ARG2: variants seen among roughly 807,000 people sequenced by gnomAD.
ARG2 encodes arginase-2, mitochondrial.
ARG2 carries 21 observed loss-of-function variants against 39.4 expected under a neutral mutation model. That is an observed-to-expected ratio of 0.53 (90% CI 0.38 to 0.77). The LOEUF is 0.77. Among genes scored for constraint, ARG2 ranks in the 30% least tolerant of loss-of-function variants. ARG2 has a pLI of 0.00. For synonymous variants in ARG2, 150 were observed against 156.7 expected, an observed-to-expected ratio of 0.96 and a Z score of 0.32; for missense variants, 378 against 426.2, an observed-to-expected ratio of 0.89 and a Z score of 1.00.
intron 2 of ARG2, among the ~76,000 whole-genome samples, chr14:67,626,119 T>C (rs1465306168): frequency 6.6e-6 from 1 of 152,060 alleles, no homozygotes; most frequent in Admixed American, 6.6e-5. Flanking sequence ...CCGGATGTGG[T>C]GGCACACTCC....
intron 3 of ARG2, among the ~76,000 whole-genome samples, chr14:67,643,557 T>C (rs764471559): frequency 6.2e-4 from 94 of 152,324 alleles, no homozygotes; most frequent in Non-Finnish European, 1.3e-3. Flanking sequence ...GGCACAGTGG[T>C]GCATGCCTGC....
intron 2 of ARG2, among the ~76,000 whole-genome samples, chr14:67,629,941 A>C (rs1013590809): frequency 2.6e-5 from 4 of 152,212 alleles, no homozygotes; most frequent in African/African-American, 9.7e-5. Flanking sequence ...AAAAATATAA[A>C]TAGTTTCAAA....
At chr14:67,633,504 C>T (rs1174008549) in intron 2 of ARG2, among the ~76,000 whole-genome samples, 3 of 152,166 alleles carry the variant, frequency 2.0e-5, no homozygotes, top group African/African-American at 7.2e-5. Flanking sequence ...TCAACATATC[C>T]CAAACTGACC....
Position 67,651,548 on chromosome 14 carries a change from G to A in ARG2, c.*628G>A, listed in dbSNP as rs1447720457. 2.6e-6 allele frequency: 4 copies of A among 1,564,730 alleles called. No individual in the cohort carries two copies. Among genetic ancestry groups the A allele is most frequent in the Non-Finnish European group, 2.6e-6 (3 of 1,150,836 alleles). On this transcript the variant is annotated 3_prime_UTR_variant, in exon 8 of 8. Transcript: ENST00000261783. ...TAACCTTCCTTCTAAACATTTTGGG[G>A]TTAGACCTGGGACCACGGCTGGATA... is the stretch of plus-strand genomic sequence containing the variant.
At chr14:67,627,281 A>C (rs1367352292) in intron 2 of ARG2, among the ~76,000 whole-genome samples, 1 of 146,356 alleles carries the variant, frequency 6.8e-6, no homozygotes, top group Non-Finnish European at 1.5e-5. Flanking sequence ...ATATATATAT[A>C]TCTGAAACTT....
rs111801822 is a variant in ARG2, at chr14:67,628,306, C to T, written c.184+7340C>T. ...CAGACATAATCATAGTACACTACTG[C>T]CTCAAACTTCTGGGCTCAAGCAAGC... On this transcript the variant is annotated intron_variant, in intron 2 of 7. Coordinates refer to ENST00000261783, the MANE Select transcript of ARG2 (RefSeq NM_001172.4). Among the ~76,000 whole-genome samples the T allele has an allele frequency of 7.2e-4, 109 of 152,286 alleles. 1 individual carries two copies. The highest frequency in any genetic ancestry group is 2.6e-3 in the African/African-American group (107 of 41,542).
At chr14:67,635,054 C>T (rs543435736) in intron 2 of ARG2, among the ~76,000 whole-genome samples, 11 of 151,970 alleles carry the variant, frequency 7.2e-5, no homozygotes, top group East Asian at 5.8e-4. Context: ...AGACCAGCCT[C>T]GGTAAAATGG....
chr14:67,625,027 T>C (rs543057997), intron 2 of ARG2, among the ~76,000 whole-genome samples: 57 of 152,132 alleles, frequency 3.7e-4, no homozygotes, highest in Non-Finnish European at 3.8e-4. Flanking sequence ...CCCCAGAAAA[T>C]TGTCATTTGA....
chr14:67,621,141 T>C (rs1259241928), intron 2 of ARG2, among the ~76,000 whole-genome samples, 175 bp downstream of exon 2: 3 of 152,202 alleles, frequency 2.0e-5, no homozygotes, highest in Non-Finnish European at 4.4e-5. Flanking sequence ...AGGGAAAGTC[T>C]TCTTGCAATA....
intron 2 of ARG2, among the ~76,000 whole-genome samples, chr14:67,638,942 G>A (rs2037001675): frequency 6.6e-6 from 1 of 152,228 alleles, no homozygotes; most frequent in Non-Finnish European, 1.5e-5. Context: ...TAGCCAGAAT[G>A]CTGTTTGGTG....
chr14:67,646,591 C>A, intron 4 of ARG2, 53 bp from the exon 5 acceptor site: 1 of 1,424,812 alleles, frequency 7.0e-7, no homozygotes, highest in Non-Finnish European at 9.9e-7. Context: ...TGATAATGAT[C>A]TTGGTGAGAA....
In ARG2 at chr14:67,651,550, T is replaced by G; in HGVS notation, c.*630T>G. Reference sequence around the variant, plus strand: ...ACCTTCCTTCTAAACATTTTGGGGTTAGACCTGGGACCACGGCTGGATACT... The same window carrying G: ...ACCTTCCTTCTAAACATTTTGGGGTGAGACCTGGGACCACGGCTGGATACT... On this transcript the variant is annotated 3_prime_UTR_variant, in exon 8 of 8. Transcript: ENST00000261783. 5.6e-4 allele frequency: 875 copies of G among 1,559,438 alleles called. No individual in the cohort carries two copies. Among genetic ancestry groups the G allele is most frequent in the Non-Finnish European group, 7.1e-4 (813 of 1,146,672 alleles).
chr14:67,640,589 G>A (rs568407678), intron 2 of ARG2, among the ~76,000 whole-genome samples: 4 of 152,174 alleles, frequency 2.6e-5, no homozygotes, highest in African/African-American at 7.2e-5. Context: ...CTCTTAATCC[G>A]AACCTTTAAC....
At position 67,620,064 on chromosome 14, in the gene ARG2, A is replaced by G. The variant is rs769713965; in HGVS notation, c.87A>G (p.Ile29Met). ...LKKSVHSVAV[I>M]GAPFSQGQKR... ...AATCCGTCCACTCCGTGGCTGTGAT[A>G]GGAGCCCCGTTCTCACAAGGGCAGG... Residue 29 changes from isoleucine to methionine, a missense_variant, in exon 1 of 8, where the codon ATA becomes ATG. By Grantham distance (10) the Ile-to-Met change is conservative. Transcript: ENST00000261783. 3.7e-6 allele frequency: 6 copies of G among 1,610,170 alleles called. No individual in the cohort carries two copies. The highest frequency in any genetic ancestry group is 3.4e-5 in the Admixed American group (2 of 59,652).
At chr14:67,620,121 A>T (rs762243109) in intron 1 of ARG2, 33 bp downstream of exon 1, 33 of 1,481,340 alleles carry the variant, frequency 2.2e-5, no homozygotes, top group East Asian at 1.7e-4. Flanking sequence ...GCCGGGCAGG[A>T]TCCTCCGCCC....
intron 6 of ARG2, 83 bp from the exon 7 acceptor site, chr14:67,647,964 G>A: frequency 7.4e-7 from 1 of 1,351,380 alleles, no homozygotes; most frequent in Non-Finnish European, 1.0e-6. Context: ...AAATCAAGGA[G>A]TTGCAACCAT....
intron 6 of ARG2, chr14:67,647,759 T>C (rs911034632): frequency 1.2e-5 from 4 of 320,780 alleles, no homozygotes; most frequent in Non-Finnish European, 1.7e-5. Flanking sequence ...GTTATTAGTA[T>C]AAGAGGTTCT....
intron 2 of ARG2, among the ~76,000 whole-genome samples, chr14:67,633,757 T>C (rs956998737): frequency 2.0e-5 from 3 of 152,250 alleles, no homozygotes; most frequent in African/African-American, 7.2e-5. Flanking sequence ...TGCAGTCCTC[T>C]AGGTGCACTC....
intron 2 of ARG2, among the ~76,000 whole-genome samples, chr14:67,627,098 G>T (rs1171652133): frequency 6.6e-6 from 1 of 152,132 alleles, no homozygotes; most frequent in East Asian, 1.9e-4. Context: ...CTTTCCGAAG[G>T]GTGATGGGAC....
Sources: allele counts gnomAD v4.1 joint callset (sites outside exome capture counted in the v4.1 genomes callset), GRCh38; gene constraint gnomAD v4.1.1; transcripts MANE v1.5; gene names NCBI Gene and HGNC (gene_info 2026-07-23, HGNC 2026-07-21).